LYPD6: variants seen among roughly 807,000 people sequenced by gnomAD.
LYPD6 encodes ly6/PLAUR domain-containing protein 6.
In LYPD6, 15 loss-of-function variants were observed where a neutral mutation model predicts 22.7. The ratio of observed to expected loss-of-function variants is 0.66; its 90% CI spans 0.44 to 1.02. The LOEUF is 1.02. Among genes scored for constraint, LYPD6 ranks in the 50% least tolerant of loss-of-function variants. The pLI, the probability that LYPD6 is intolerant of heterozygous loss-of-function variation, is 0.00. For synonymous variants in LYPD6, 72 were observed against 77.5 expected (o/e 0.93, Z 0.37); for missense variants, 189 against 208.4 (o/e 0.91, Z 0.57).
At chr2:149,331,373 G>C (rs1318863165) in intron 1 of LYPD6, among the ~76,000 whole-genome samples, 1 of 152,174 alleles carries the variant, frequency 6.6e-6, no homozygotes, top group Non-Finnish European at 1.5e-5. Context: ...ATTCACATTT[G>C]GCTAAGCGTT....
At chr2:149,405,936 T>G (rs1253008791) in intron 1 of LYPD6, among the ~76,000 whole-genome samples, 1 of 149,226 alleles carries the variant, frequency 6.7e-6, no homozygotes, top group Admixed American at 6.7e-5. Context: ...ATGTTGTGTC[T>G]TTGTTCTCAT....
At chr2:149,474,693 A>G (rs1681421889), downstream of LYPD6, among the ~76,000 whole-genome samples, 1 of 152,162 alleles carries the variant, frequency 6.6e-6, no homozygotes, top group African/African-American at 2.4e-5. Context: ...TGTAAGTGGT[A>G]TTGCAGGTGG....
chr2:149,345,838 TAAC>T (rs1367090431), intron 1 of LYPD6, among the ~76,000 whole-genome samples: 2 of 152,192 alleles, frequency 1.3e-5, no homozygotes, highest in Non-Finnish European at 2.9e-5. Flanking sequence ...AAAGATATAT[TAAC>T]AATATTAGCT....
chr2:149,350,714 G>A (rs1681342751), intron 1 of LYPD6, among the ~76,000 whole-genome samples: 3 of 152,200 alleles, frequency 2.0e-5, no homozygotes, highest in Admixed American at 6.5e-5. Context: ...ATTTTAAGTT[G>A]ATTTCATTTT....
chr2:149,460,652 A>G (rs892521520), intron 3 of LYPD6, among the ~76,000 whole-genome samples: 4 of 152,176 alleles, frequency 2.6e-5, no homozygotes, highest in African/African-American at 7.2e-5. Context: ...TGACATTTAC[A>G]GAACACTCCA....
chr2:149,460,255 A>G (rs1681058337), intron 3 of LYPD6, among the ~76,000 whole-genome samples: 1 of 152,216 alleles, frequency 6.6e-6, no homozygotes, highest in African/African-American at 2.4e-5. Context: ...ATGTTAAACC[A>G]TGACCCAAAT....
chr2:149,371,635 T>C (rs114091959), intron 1 of LYPD6, among the ~76,000 whole-genome samples: 2,090 of 152,296 alleles, frequency 0.014, 56 homozygotes, highest in African/African-American at 0.047. Context: ...ACCAGCATTT[T>C]TTGAGTGCCT....
chr2:149,340,705 G>C (rs1235326912), intron 1 of LYPD6, among the ~76,000 whole-genome samples: 2 of 152,124 alleles, frequency 1.3e-5, no homozygotes, highest in East Asian at 3.8e-4. Flanking sequence ...CCAACATATA[G>C]TTTTTGACAT....
intron 1 of LYPD6, among the ~76,000 whole-genome samples, chr2:149,398,889 G>A (rs1363132926): frequency 2.0e-5 from 3 of 152,120 alleles, no homozygotes; most frequent in Non-Finnish European, 4.4e-5. Context: ...GAATTTAAAC[G>A]AGTAGTTTAA....
intron 1 of LYPD6, among the ~76,000 whole-genome samples, chr2:149,424,928 C>T (rs1045130527): frequency 6.6e-6 from 1 of 152,052 alleles, no homozygotes; most frequent in African/African-American, 2.4e-5. Context: ...CAGAATTGGG[C>T]CCTAGTTGCC....
intron 1 of LYPD6, among the ~76,000 whole-genome samples, chr2:149,389,478 A>C (rs899985855): frequency 1.3e-5 from 2 of 152,216 alleles, no homozygotes; most frequent in African/African-American, 4.8e-5. Flanking sequence ...ACCAAATTAC[A>C]GATATACGAA....
At chr2:149,412,950 C>T (rs1044134264) in intron 1 of LYPD6, among the ~76,000 whole-genome samples, 2 of 152,124 alleles carry the variant, frequency 1.3e-5, no homozygotes, top group Non-Finnish European at 2.9e-5. Flanking sequence ...AAGCCCAGAG[C>T]TGAATTTTAA....
At position 149,474,089 on chromosome 2, in the gene LYPD6, C is replaced by T. The variant is rs930622574; in HGVS notation, c.*3239C>T. The T allele has an allele frequency of 4.6e-5, 7 of 152,120 alleles. No individual in the cohort carries two copies. The highest frequency in any genetic ancestry group is 3.3e-4 in the Admixed American group (5 of 15,268). The allele number at this position is 152,120 out of a possible 1,614,324, so 9.4% of individuals were successfully genotyped here. On this transcript the variant is annotated 3_prime_UTR_variant, in exon 5 of 5. Transcript: ENST00000334166. ...AGTGTACATGTCATTTTTATCTATACAATGAATTTATTATATTTTTCTTAG... is the reference window on the plus strand; with the variant it reads ...AGTGTACATGTCATTTTTATCTATATAATGAATTTATTATATTTTTCTTAG...
At chr2:149,439,228 G>T (rs946138330) in intron 2 of LYPD6, among the ~76,000 whole-genome samples, 3 of 152,138 alleles carry the variant, frequency 2.0e-5, no homozygotes, top group African/African-American at 7.2e-5. Context: ...AATTTCTTTA[G>T]ATTTCTATTG....
chr2:149,448,366 G>A (rs1683732747), intron 2 of LYPD6, among the ~76,000 whole-genome samples: 3 of 152,082 alleles, frequency 2.0e-5, no homozygotes. Context: ...AATACAATCG[G>A]TCTACCAATG....
chr2:149,404,065 A>G (rs868258747), intron 1 of LYPD6, among the ~76,000 whole-genome samples: 31 of 151,912 alleles, frequency 2.0e-4, no homozygotes, highest in African/African-American at 3.9e-4. Flanking sequence ...TTATTTCTGA[A>G]GGCTCTGTTC....
chr2:149,485,401 T>C, the LYPD6 span, among the ~76,000 whole-genome samples: 6 of 152,182 alleles, frequency 3.9e-5, no homozygotes, highest in Non-Finnish European at 5.9e-5. Context: ...AGAGCAAGGA[T>C]TGCAGTTGAA....
chr2:149,458,774 A>G (rs1310040679), intron 3 of LYPD6, among the ~76,000 whole-genome samples: 1 of 152,262 alleles, frequency 6.6e-6, no homozygotes, highest in Non-Finnish European at 1.5e-5. Flanking sequence ...CAATTGTAAC[A>G]TAATGTACCT....
At chr2:149,477,460 T>TA (rs1681462717), downstream of LYPD6, among the ~76,000 whole-genome samples, 2 of 151,318 alleles carry the variant, frequency 1.3e-5, no homozygotes, top group South Asian at 2.1e-4. Flanking sequence ...CTGTCTCTAC[T>TA]AAAAAAACAA....
Sources: gnomAD v4.1 joint callset for allele counts (sites outside exome capture counted in the v4.1 genomes callset) on GRCh38, gnomAD v4.1.1 for gene constraint, MANE v1.5 for transcripts, NCBI Gene and HGNC (gene_info 2026-07-23, HGNC 2026-07-21) for gene names.